CDH18: variants seen among roughly 807,000 people sequenced by gnomAD.
CDH18 encodes the protein cadherin-18.
Under a neutral mutation model 67.9 loss-of-function variants are expected in CDH18, and 31 were observed. The observed-to-expected ratio is 0.46, with a 90% CI of 0.34 to 0.62. The LOEUF (loss-of-function observed/expected upper bound fraction) is 0.62, where lower values mean the gene tolerates loss of function less well. Ranked by LOEUF, CDH18 falls within the 20% of genes least tolerant of loss-of-function variation. The pLI is 0.01. For missense variants in CDH18, 890 were observed against 975.5 expected (o/e 0.91, Z 1.17); for synonymous variants, 362 against 347.2 (o/e 1.04, Z -0.48).
At chr5:20,233,988 G>GTC (rs934464541) in intron 2 of CDH18, among the ~76,000 whole-genome samples, 5 of 151,974 alleles carry the variant, frequency 3.3e-5, no homozygotes, top group Non-Finnish European at 5.9e-5. Flanking sequence ...AGAACTTTTA[G>GTC]TCTCTCTCTC....
At chr5:20,516,982 G>T (rs10440639) in intron 1 of CDH18, among the ~76,000 whole-genome samples, 73,984 of 151,678 alleles carry the variant, frequency 0.49, 18,179 homozygotes, top group East Asian at 0.58. Flanking sequence ...CAGTAGAAAT[G>T]CAATGAAAAT....
At chr5:19,823,640 C>T (rs571564915) in intron 3 of CDH18, among the ~76,000 whole-genome samples, 5 of 152,282 alleles carry the variant, frequency 3.3e-5, no homozygotes, top group African/African-American at 1.2e-4. Flanking sequence ...GAGGACTTAT[C>T]ACCCCACTGA....
chr5:20,573,806 AATATATATATATATATATAT>A (rs60858438), intron 1 of CDH18, among the ~76,000 whole-genome samples: 32,751 of 119,536 alleles, frequency 0.27, 6,268 homozygotes, highest in African/African-American at 0.47. Flanking sequence ...ACTTAAAAGA[AATATATATATATATATATAT>A]ATATATATAT....
chr5:19,993,420 T>A (rs1319983059), intron 2 of CDH18, among the ~76,000 whole-genome samples: 1 of 152,132 alleles, frequency 6.6e-6, no homozygotes, highest in Non-Finnish European at 1.5e-5. Flanking sequence ...TACAAAAATA[T>A]TGAGAACTTA....
chr5:19,496,668 C>A (rs1742379265), intron 11 of CDH18, among the ~76,000 whole-genome samples: 1 of 151,912 alleles, frequency 6.6e-6, no homozygotes, highest in Admixed American at 6.6e-5. Flanking sequence ...AAAAATTAGC[C>A]AGGTGTGGTG....
chr5:20,308,079 CTTTTT>C (rs759117114), intron 1 of CDH18, among the ~76,000 whole-genome samples: 8 of 85,432 alleles, frequency 9.4e-5, no homozygotes, highest in African/African-American at 3.3e-4. Context: ...AATACTACTG[CTTTTT>C]TTTTTTTTTT....
At position 20,242,622 on chromosome 5, in the gene CDH18, A is replaced by ATATACATG. The variant is rs1561905984; in HGVS notation, c.-518+12821_-518+12822insCATGTATA. ...AAAAAAAAAAAAAAAATATATATAT[A>ATATACATG]TATATATATATGTATATATATATAT... On this transcript the variant is annotated intron_variant, in intron 2 of 14. Coordinates refer to the CDH18 transcript ENST00000507958. 2.7e-3 allele frequency among the ~76,000 whole-genome samples: 284 copies of ATATACATG among 106,792 alleles called. 31 individuals are homozygous for ATATACATG. Among genetic ancestry groups the ATATACATG allele is most frequent in the African/African-American group, 0.011 (254 of 22,976 alleles). 70.1% of individuals were successfully genotyped at this position (106,792 alleles called of 152,430 possible).
chr5:20,152,577 A>G (rs1751210090), intron 2 of CDH18, among the ~76,000 whole-genome samples: 1 of 152,088 alleles, frequency 6.6e-6, no homozygotes. Flanking sequence ...AAAGCTTGTT[A>G]AAAGAAGATA....
chr5:20,166,999 A>C (rs1331682364), intron 2 of CDH18, among the ~76,000 whole-genome samples: 2 of 152,196 alleles, frequency 1.3e-5, no homozygotes, highest in Non-Finnish European at 2.9e-5. Flanking sequence ...TAAAAGAATA[A>C]TGGGGAGAAA....
At chr5:20,018,585 A>G (rs990754636) in intron 2 of CDH18, among the ~76,000 whole-genome samples, 1 of 151,510 alleles carries the variant, frequency 6.6e-6, no homozygotes, top group African/African-American at 2.5e-5. Flanking sequence ...ATGATAAAAA[A>G]TATGAGATAT....
At chr5:20,539,751 C>A (rs796275700) in intron 1 of CDH18, among the ~76,000 whole-genome samples, 6 of 129,064 alleles carry the variant, frequency 4.6e-5, no homozygotes, top group Non-Finnish European at 5.1e-5. Flanking sequence ...CACACACACA[C>A]ACACAAACAC....
rs199576850 is a variant in CDH18 at position 20,551,859 on chromosome 5, TTC to T, written c.-580+23601_-580+23602del. 6.3e-3 allele frequency among the ~76,000 whole-genome samples: 965 copies of T among 152,260 alleles called. 4 individuals are homozygous for T. Among genetic ancestry groups the T allele is most frequent in the African/African-American group, 0.022 (915 of 41,558 alleles). On this transcript the variant is annotated intron_variant, in intron 1 of 14. Transcript: ENST00000507958. ...TTAAATGAGAGTTCTTAAAATATTC[TTC>T]TTAGTTAATTCTTCTTCTTAGTTAA...
chr5:19,952,304 C>T (rs1795870612), intron 2 of CDH18, among the ~76,000 whole-genome samples: 1 of 152,110 alleles, frequency 6.6e-6, no homozygotes, highest in Non-Finnish European at 1.5e-5. Context: ...TGGCTTCGGC[C>T]TCCCAAAGTG....
intron 3 of CDH18, among the ~76,000 whole-genome samples, chr5:19,802,605 G>T (rs139610603): frequency 2.0e-3 from 300 of 152,306 alleles, no homozygotes; most frequent in African/African-American, 7.0e-3. Context: ...TTGTGTGTGT[G>T]TGCGTGTATG....
chr5:19,879,493 G>A (rs541288311), intron 2 of CDH18, among the ~76,000 whole-genome samples: 7 of 152,006 alleles, frequency 4.6e-5, no homozygotes, highest in African/African-American at 1.7e-4. Flanking sequence ...ATGATATTGG[G>A]TAAGTTTATT....
In CDH18 at chr5:20,314,632, G is replaced by A. The variant is rs114091324; in HGVS notation, c.-579-59127C>T. On this transcript the variant is annotated intron_variant, in intron 1 of 14. Coordinates refer to the CDH18 transcript ENST00000507958. ...GACCCCATTAGTTTTTGAGCACAGCGCTCATTTGCTCAGAGCTTAAGCTTA... is the reference window on the plus strand; with the variant it reads ...GACCCCATTAGTTTTTGAGCACAGCACTCATTTGCTCAGAGCTTAAGCTTA... Among the ~76,000 whole-genome samples, 200 of 152,090 alleles carry A rather than the reference G, an allele frequency of 1.3e-3. 3 individuals carry two copies. The highest frequency in any genetic ancestry group is 4.5e-3 in the African/African-American group (186 of 41,530).
At chr5:19,893,634 C>T (rs1788998272) in intron 2 of CDH18, among the ~76,000 whole-genome samples, 1 of 120,538 alleles carries the variant, frequency 8.3e-6, no homozygotes, top group Non-Finnish European at 1.9e-5. Flanking sequence ...ACAACAGATT[C>T]AGGGGGAATA....
At chr5:20,246,411 T>C (rs1294248625) in intron 2 of CDH18, among the ~76,000 whole-genome samples, 1 of 152,214 alleles carries the variant, frequency 6.6e-6, no homozygotes, top group African/African-American at 2.4e-5. Flanking sequence ...TTGTTGTTTT[T>C]ATTTATTCGA....
At position 19,881,091 on chromosome 5, in the gene CDH18, G is replaced by A. The variant is rs566988972; in HGVS notation, c.-256-41849C>T. Among the ~76,000 whole-genome samples, 4 of 152,248 alleles carry A rather than the reference G, an allele frequency of 2.6e-5. No individual in the cohort carries two copies. In the East Asian group the frequency reaches 7.7e-4, roughly 29 times the overall value. ...GAGAGGTGAGAGAGTTTATTAAACG[G>A]TGCCATAAGCTAGACAATCATATTA... is the stretch of plus-strand genomic sequence containing the variant. On this transcript the variant is annotated intron_variant, in intron 2 of 12. Coordinates refer to ENST00000382275, the MANE Select transcript of CDH18 (RefSeq NM_004934.5).
Sources: gnomAD v4.1 joint callset for allele counts (sites outside exome capture counted in the v4.1 genomes callset) on GRCh38, gnomAD v4.1.1 for gene constraint, MANE v1.5 for transcripts, NCBI Gene and HGNC (gene_info 2026-07-23, HGNC 2026-07-21) for gene names.